LIMK2: variants seen among roughly 807,000 people sequenced by gnomAD.
LIMK2 encodes LIM domain kinase 2.
In LIMK2, 35 loss-of-function variants were observed where a neutral mutation model predicts 75.7. The observed-to-expected ratio is 0.46, with a 90% confidence interval of 0.35 to 0.61. The LOEUF is 0.61. Ranked by LOEUF, LIMK2 falls within the 20% of genes least tolerant of loss-of-function variation. The pLI, the probability that LIMK2 is intolerant of heterozygous loss-of-function variation, is 0.00. For missense variants in LIMK2, 623 were observed against 831.0 expected, an observed-to-expected ratio of 0.75 and a Z score of 3.08; for synonymous variants, 301 against 319.2, an observed-to-expected ratio of 0.94 and a Z score of 0.61.
intron 1 of LIMK2, among the ~76,000 whole-genome samples, chr22:31,217,133 G>T (rs929807335): frequency 6.6e-6 from 1 of 152,090 alleles, no homozygotes; most frequent in Non-Finnish European, 1.5e-5. Flanking sequence ...CAGGTGCAGT[G>T]GCTCACGCCT....
chr22:31,262,787 C>T lies in LIMK2; in HGVS notation c.850C>T (p.Leu284=), dbSNP rs779581129. Residue 284 remains leucine (L), a synonymous_variant, in exon 7 of 16, where the codon CTA becomes TTA. Coordinates refer to ENST00000331728, the MANE Select transcript of LIMK2 (RefSeq NM_005569.4). The surrounding 1 kb of genome is among the most constrained non-coding windows in gnomAD (Gnocchi z 5.0). ...NLEGTLRRRS[L]RRSNSISKSP... Reference sequence around the variant, plus strand: ...GGAGGGGACACTGAGGAGACGTTCCCTAAGGTGCCACCTCCCACCCTGGCT... The same window carrying T: ...GGAGGGGACACTGAGGAGACGTTCCTTAAGGTGCCACCTCCCACCCTGGCT... 4.4e-6 allele frequency: 7 copies of T among 1,599,866 alleles called. 1 individual carries two copies. In the Admixed American group the frequency reaches 1.2e-4, roughly 27 times the overall value.
intron 2 of LIMK2, among the ~76,000 whole-genome samples, chr22:31,250,066 G>T (rs1222088637): frequency 6.6e-6 from 1 of 152,132 alleles, no homozygotes; most frequent in African/African-American, 2.4e-5. Context: ...TCCTAGTGGA[G>T]AGGAAATTCT....
chr22:31,247,939 C>T (rs142593894), intron 2 of LIMK2, among the ~76,000 whole-genome samples: 4 of 152,084 alleles, frequency 2.6e-5, no homozygotes, highest in African/African-American at 9.6e-5. Context: ...AGCCCTAGTG[C>T]CAGGACAGAA....
chr22:31,218,978 G>C (rs960137522), intron 1 of LIMK2, among the ~76,000 whole-genome samples: 1 of 152,186 alleles, frequency 6.6e-6, no homozygotes, highest in Non-Finnish European at 1.5e-5. Flanking sequence ...AGCCTAAAAA[G>C]GACTCATTTG....
intron 2 of LIMK2, among the ~76,000 whole-genome samples, chr22:31,254,072 C>A (rs1212951406): frequency 6.6e-6 from 1 of 152,224 alleles, no homozygotes; most frequent in Non-Finnish European, 1.5e-5. Context: ...TAAAGGCATT[C>A]CTTGACACAG....
intron 2 of LIMK2, among the ~76,000 whole-genome samples, chr22:31,250,460 C>T (rs748821059): frequency 6.6e-6 from 1 of 152,176 alleles, no homozygotes; most frequent in Non-Finnish European, 1.5e-5. Context: ...AGTCCACCTG[C>T]CGTTTGTCTT....
intron 15 of LIMK2, among the ~76,000 whole-genome samples, chr22:31,276,159 C>G (rs1317672572): frequency 6.6e-6 from 1 of 152,166 alleles, no homozygotes; most frequent in Non-Finnish European, 1.5e-5. Context: ...TTGCTTGAAC[C>G]CAGGGGCGGA....
intron 2 of LIMK2, among the ~76,000 whole-genome samples, chr22:31,239,807 G>A (rs138848125): frequency 2.6e-5 from 4 of 152,270 alleles, no homozygotes; most frequent in Admixed American, 2.6e-4. Context: ...TTTGCTGGGT[G>A]AATGATGTAT....
At position 31,212,470 on chromosome 22, in the gene LIMK2, C is replaced by T. The variant is rs770925208; in HGVS notation, c.16+46C>T. 5 of 1,314,876 alleles carry T rather than the reference C, an allele frequency of 3.8e-6. No individual in the cohort carries two copies. The East Asian group carries it at 1.4e-4, about 37-fold the overall frequency. The allele number at this position is 1,314,876 out of a possible 1,614,324, so 81.5% of individuals were successfully genotyped here. ...CCTGTCCCGCTGTTATCTCCGAAGT[C>T]CGGTTCCATGGCGCCTGAGGGAAAC... On this transcript the variant is annotated intron_variant, in intron 1 of 15. Coordinates refer to ENST00000331728, the MANE Select transcript of LIMK2 (RefSeq NM_005569.4).
At chr22:31,245,936 G>T (rs1336959173) in intron 2 of LIMK2, among the ~76,000 whole-genome samples, 1 of 151,944 alleles carries the variant, frequency 6.6e-6, no homozygotes, top group Non-Finnish European at 1.5e-5. Context: ...ACTTTGGGAG[G>T]CCGAGGCAAG....
chr22:31,254,719 G>A (rs955310127), intron 2 of LIMK2, among the ~76,000 whole-genome samples: 2 of 152,162 alleles, frequency 1.3e-5, no homozygotes, highest in African/African-American at 4.8e-5. Context: ...AGCACTTCGG[G>A]AGGCCAAGGC....
At chr22:31,224,310 C>T (rs1473754768) in intron 1 of LIMK2, among the ~76,000 whole-genome samples, 1 of 152,192 alleles carries the variant, frequency 6.6e-6, no homozygotes, top group Admixed American at 6.5e-5. Flanking sequence ...CCTTCACCCT[C>T]CTTTCTCAGC....
In LIMK2 at chr22:31,275,064, C is replaced by T. The variant is rs974516409; in HGVS notation, c.1615-87C>T. 7.3e-6 allele frequency: 9 copies of T among 1,238,446 alleles called. No individual in the cohort carries two copies. The East Asian group carries it at 5.2e-4, about 72-fold the overall frequency. The allele number at this position is 1,238,446 out of a possible 1,614,324, so 76.7% of individuals were successfully genotyped here. A position where few individuals can be genotyped will look rare whatever the true frequency, so the allele number is the denominator to read the frequency against. On this transcript the variant is annotated intron_variant, in intron 14 of 15. Coordinates refer to ENST00000331728, the MANE Select transcript of LIMK2 (RefSeq NM_005569.4). ...TACCACCTCCTCTTCTGCCATTCTT[C>T]CTGTCCACATCCCAGCATCCCTTTC...
intron 4 of LIMK2, among the ~76,000 whole-genome samples, chr22:31,259,664 G>A (rs1909294143): frequency 6.6e-6 from 1 of 152,082 alleles, no homozygotes; most frequent in Non-Finnish European, 1.5e-5. Flanking sequence ...CCAGGCCAGT[G>A]TTTTTCCAAA....
chr22:31,247,683 G>T (rs754771208), intron 2 of LIMK2, among the ~76,000 whole-genome samples: 58 of 152,142 alleles, frequency 3.8e-4, no homozygotes, highest in Admixed American at 1.0e-3. Context: ...TTTTGACCTT[G>T]AGTGAGTTAC....
chr22:31,252,680 G>A (rs2048737618), intron 2 of LIMK2, among the ~76,000 whole-genome samples: 1 of 152,184 alleles, frequency 6.6e-6, no homozygotes, highest in Non-Finnish European at 1.5e-5. Flanking sequence ...AGGAGAAAAA[G>A]GGGTCTGTCT....
intron 15 of LIMK2, among the ~76,000 whole-genome samples, chr22:31,276,265 A>T (rs1199803449): frequency 6.6e-6 from 1 of 152,156 alleles, no homozygotes; most frequent in Non-Finnish European, 1.5e-5. Context: ...TGCCATCAAA[A>T]ATCATGTTTC....
intron 15 of LIMK2, chr22:31,277,180 A>G (rs1490586288): frequency 1.2e-6 from 2 of 1,612,200 alleles, no homozygotes; most frequent in Admixed American, 1.7e-5. Flanking sequence ...CCATAGGACA[A>G]TCGCTACCCC....
intron 2 of LIMK2, among the ~76,000 whole-genome samples, chr22:31,256,033 C>G (rs955016787): frequency 1.4e-4 from 10 of 72,704 alleles, no homozygotes; most frequent in African/African-American, 5.3e-4. Context: ...GAATCTTGCT[C>G]TGTTGTCCAG....
Sources: allele counts gnomAD v4.1 joint callset (sites outside exome capture counted in the v4.1 genomes callset), GRCh38; gene constraint gnomAD v4.1.1; non-coding constraint Gnocchi (gnomAD v3.1); transcripts MANE v1.5; gene names NCBI Gene and HGNC (gene_info 2026-07-23, HGNC 2026-07-21).